The following ZFP64 variants were observed in gnomAD, a reference collection of about 807,000 sequenced individuals.
The protein encoded by ZFP64 is ZFP64 zinc finger protein.
In ZFP64, 14 loss-of-function variants were observed where a neutral mutation model predicts 51.6. The ratio of observed to expected loss-of-function variants is 0.27; its 90% confidence interval spans 0.18 to 0.42. ZFP64 has a LOEUF of 0.42. Among genes scored for constraint, ZFP64 ranks in the 10% least tolerant of loss-of-function variants. The pLI, the probability that ZFP64 is intolerant of heterozygous loss-of-function variation, is 1.00. For synonymous variants in ZFP64, 375 were observed against 361.4 expected (o/e 1.04, Z -0.43); for missense variants, 754 against 906.8 (o/e 0.83, Z 2.16).
Position 52,109,507 on chromosome 20 carries a change from C to T in ZFP64, c.764-10920G>A, listed in dbSNP as rs118005993. On this transcript the variant is annotated intron_variant, in intron 5 of 8. Coordinates refer to the ZFP64 transcript ENST00000361387. ...ACAAAAATCTGTTGCTGGCTGAGTG[C>T]GGTGGCTCATGCCTGTAACCCCAGA... Among the ~76,000 whole-genome samples, 222 of 151,220 alleles carry T rather than the reference C, an allele frequency of 1.5e-3. 1 individual carries two copies. Among genetic ancestry groups the T allele is most frequent in the Non-Finnish European group, 2.3e-3 (158 of 67,826 alleles).
At position 52,152,090 on chromosome 20, in the gene ZFP64, A is replaced by C. The variant is rs1452379598; in HGVS notation, c.*56T>G. 2 of 1,562,868 alleles carry C rather than the reference A, an allele frequency of 1.3e-6. No homozygotes were observed. Among genetic ancestry groups the C allele is most frequent in the Admixed American group, 3.9e-5 (2 of 51,564 alleles). On this transcript the variant is annotated 3_prime_UTR_variant, in exon 6 of 6. Coordinates refer to ENST00000216923, the MANE Select transcript of ZFP64 (RefSeq NM_018197.3). ...AAGAGCAAACCTTTTAGAGAATTCT[A>C]CTTAAGATTTCTTTTTCTCAATTCC...
chr20:52,130,639 T>C lies in ZFP64; in HGVS notation c.763+29484A>G, dbSNP rs139282352. Among the ~76,000 whole-genome samples the C allele has an allele frequency of 3.6e-3, 555 of 152,284 alleles. 2 individuals carry two copies. Among genetic ancestry groups the C allele is most frequent in the African/African-American group, 0.013 (544 of 41,556 alleles). On this transcript the variant is annotated intron_variant, in intron 5 of 8. Transcript: ENST00000361387. ...AACAACATCTAGCCTATAGTAGGTGTTCAGGAAACATTTATCAAACTTCTT... is the reference window on the plus strand; with the variant it reads ...AACAACATCTAGCCTATAGTAGGTGCTCAGGAAACATTTATCAAACTTCTT...
At chr20:52,134,156 T>TC (rs760916476) in intron 5 of ZFP64, among the ~76,000 whole-genome samples, 10 of 151,652 alleles carry the variant, frequency 6.6e-5, no homozygotes, top group Non-Finnish European at 1.5e-4. Context: ...ATCCCTCCGC[T>TC]CCCCAAGGCC....
chr20:52,154,925 G>A (rs1463237643), intron 5 of ZFP64, among the ~76,000 whole-genome samples: 1 of 152,136 alleles, frequency 6.6e-6, no homozygotes, highest in Non-Finnish European at 1.5e-5. Context: ...AAAAAGGGCC[G>A]TTTGCTGCCT....
At chr20:52,155,427 C>T (rs1303455208) in intron 5 of ZFP64, among the ~76,000 whole-genome samples, 3 of 152,138 alleles carry the variant, frequency 2.0e-5, no homozygotes, top group Admixed American at 1.3e-4. Context: ...CAGGGGCAGA[C>T]GTCTGTAGAC....
At chr20:52,100,327 C>A (rs1224776055) in intron 5 of ZFP64, among the ~76,000 whole-genome samples, 2 of 152,092 alleles carry the variant, frequency 1.3e-5, no homozygotes, top group African/African-American at 4.8e-5. Flanking sequence ...CTCACTGCAA[C>A]CTCTGCCTCC....
chr20:52,113,422 CTTTTT>C (rs936439409), intron 5 of ZFP64, among the ~76,000 whole-genome samples: 2 of 96,528 alleles, frequency 2.1e-5, no homozygotes, highest in African/African-American at 4.1e-5. Context: ...GCCAGGAATT[CTTTTT>C]TTTTTTTTTT....
chr20:52,115,009 A>G (rs1040102815), intron 5 of ZFP64, among the ~76,000 whole-genome samples: 8 of 152,064 alleles, frequency 5.3e-5, no homozygotes, highest in African/African-American at 1.9e-4. Flanking sequence ...CATCCTGGCT[A>G]ACACTGTGAA....
intron 2 of ZFP64, among the ~76,000 whole-genome samples, chr20:52,169,808 C>G (rs1489464575): frequency 1.3e-5 from 2 of 152,222 alleles, no homozygotes; most frequent in Non-Finnish European, 2.9e-5. Flanking sequence ...AACACCAGCA[C>G]TTTGGGAGCC....
intron 2 of ZFP64, among the ~76,000 whole-genome samples, chr20:52,174,501 A>AG (rs1221983154): frequency 1.3e-5 from 2 of 151,618 alleles, no homozygotes; most frequent in East Asian, 3.8e-4. Flanking sequence ...AAAAAAAAAA[A>AG]AAAGTATATT....
chr20:52,151,963 G>A lies in ZFP64; in HGVS notation c.*183C>T. 7.7e-7 allele frequency: 1 copy of A among 1,305,912 alleles called. No individual in the cohort carries two copies. 80.9% of individuals were successfully genotyped at this position (1,305,912 alleles called of 1,614,324 possible). ...GAGGCATGAGAATCGCTTGAACCTG[G>A]GAGGCGGACGTTGCAGTGAGCCAAG... is the stretch of plus-strand genomic sequence containing the variant. On this transcript the variant is annotated 3_prime_UTR_variant, in exon 6 of 6. Transcript: ENST00000216923.
chr20:52,106,786 T>A lies in ZFP64; in HGVS notation c.764-8199A>T, dbSNP rs115463099. ...GGATGTATGTGTAGTTACACGGATC[T>A]GTAAAGACATTTGAAAATATATACA... On this transcript the variant is annotated intron_variant, in intron 5 of 8. Transcript: ENST00000361387. Among the ~76,000 whole-genome samples, 867 of 152,322 alleles carry A rather than the reference T, an allele frequency of 5.7e-3. 8 individuals carry two copies. The highest frequency in any genetic ancestry group is 0.02 in the African/African-American group (838 of 41,586).
intron 2 of ZFP64, 92 bp from the exon 3 acceptor site, chr20:52,166,117 C>T: frequency 7.4e-7 from 1 of 1,352,232 alleles, no homozygotes; most frequent in Middle Eastern, 2.2e-4. Flanking sequence ...AATGCATGTA[C>T]TAGTTTGCTT....
Position 52,160,248 on chromosome 20 carries a change from G to T in ZFP64, c.638C>A (p.Ala213Asp). 1 of 1,614,136 alleles carries T rather than the reference G, an allele frequency of 6.2e-7. No individual in the cohort carries two copies. Among genetic ancestry groups the T allele is most frequent in the Non-Finnish European group, 8.5e-7 (1 of 1,180,038 alleles). The change falls in exon 5 of 6, where the codon GCC (alanine) becomes GAC (aspartate). Residue 213 changes from alanine to aspartate, a missense_variant. Coordinates refer to ENST00000216923, the MANE Select transcript of ZFP64 (RefSeq NM_018197.3). This position sits in a 1 kb window ranked among gnomAD's most constrained non-coding sequence, Gnocchi z 4.2. The part of the protein sequence containing the change: ...YKCKTCDYAA[A>D]DSSSLNKHLR... ...GTGCTTGTTGAGGCTGCTGCTGTCG[G>T]CAGCGGCGTAGTCACACGTCTTACA...
chr20:52,173,294 A>C (rs1374265557), intron 2 of ZFP64, among the ~76,000 whole-genome samples: 2 of 152,240 alleles, frequency 1.3e-5, no homozygotes, highest in Non-Finnish European at 2.9e-5. Flanking sequence ...AGTTGAGAGA[A>C]GAAAAAACTA....
At chr20:52,098,447 A>T (rs2079015505) in exon 6 of ZFP64, 1 of 1,614,014 alleles carries the variant, frequency 6.2e-7, no homozygotes, top group Non-Finnish European at 8.5e-7. Context: ...CCTGGGTAGC[A>T]ACAGTTGAAC....
intron 5 of ZFP64, among the ~76,000 whole-genome samples, chr20:52,138,690 A>C (rs1289731411): frequency 6.6e-6 from 1 of 152,176 alleles, no homozygotes; most frequent in African/African-American, 2.4e-5. Context: ...AGGAAAGCTT[A>C]GTTTTAAAAA....
chr20:52,138,058 C>CATAAATAAATAAAT (rs1568671772), intron 5 of ZFP64, among the ~76,000 whole-genome samples: 1 of 61,056 alleles, frequency 1.6e-5, no homozygotes. Flanking sequence ...AATAAATAAG[C>CATAAATAAATAAAT]AAGCCAGGCA....
intron 5 of ZFP64, among the ~76,000 whole-genome samples, chr20:52,134,956 G>T (rs1979899020): frequency 6.6e-6 from 1 of 152,044 alleles, no homozygotes; most frequent in African/African-American, 2.4e-5. Flanking sequence ...TCTGCCTCCT[G>T]GGCTCAAGCG....
Sources: gnomAD v4.1 joint callset for allele counts (sites outside exome capture counted in the v4.1 genomes callset) on GRCh38, gnomAD v4.1.1 for gene constraint, Gnocchi (gnomAD v3.1) non-coding constraint, MANE v1.5 for transcripts, NCBI Gene and HGNC (gene_info 2026-07-23, HGNC 2026-07-21) for gene names.